Variants in WWOX observed in about 807,000 individuals in gnomAD.
WWOX encodes the protein WW domain containing oxidoreductase.
Under a neutral mutation model 46.2 loss-of-function variants are expected in WWOX, and 69 were observed. The observed-to-expected ratio is 1.49, with a 90% CI of 1.23 to 1.82. The LOEUF is 1.82. Among genes scored for constraint, WWOX ranks in the 40% most tolerant of loss-of-function variants. The pLI, the probability that WWOX is intolerant of heterozygous loss-of-function variation, is 0.00. For synonymous variants in WWOX, 359 were observed against 202.6 expected, an observed-to-expected ratio of 1.77 and a Z score of -6.56; for missense variants, 919 against 542.6, an observed-to-expected ratio of 1.69 and a Z score of -6.89.
At chr16:79,155,307 A>C (rs28694895) in intron 8 of WWOX, among the ~76,000 whole-genome samples, 12,516 of 152,012 alleles carry the variant, frequency 0.082, 1,469 homozygotes, top group African/African-American at 0.26. Flanking sequence ...ACCAGGGAGG[A>C]AGAGGTTGCA....
intron 8 of WWOX, among the ~76,000 whole-genome samples, chr16:78,610,276 G>C (rs1220098172): frequency 6.6e-6 from 1 of 152,126 alleles, no homozygotes; most frequent in African/African-American, 2.4e-5. Context: ...AAGTACACTA[G>C]AAGGTTAGAT....
chr16:79,072,202 C>G (rs555762119), intron 8 of WWOX, among the ~76,000 whole-genome samples: 1 of 152,162 alleles, frequency 6.6e-6, no homozygotes, highest in East Asian at 1.9e-4. Flanking sequence ...GGGAGGATTG[C>G]TTGAGCCTAG....
At chr16:78,635,629 A>G (rs2046548743) in intron 8 of WWOX, among the ~76,000 whole-genome samples, 1 of 152,184 alleles carries the variant, frequency 6.6e-6, no homozygotes, top group Non-Finnish European at 1.5e-5. Flanking sequence ...TGTTGAGAGG[A>G]TGAAGTGCTA....
chr16:78,311,605 A>G (rs763744708), intron 5 of WWOX, among the ~76,000 whole-genome samples: 1 of 152,230 alleles, frequency 6.6e-6, no homozygotes, highest in Non-Finnish European at 1.5e-5. Flanking sequence ...AGAAATGCAG[A>G]TGAGTGGGCC....
intron 8 of WWOX, among the ~76,000 whole-genome samples, chr16:78,708,011 G>C (rs531762379): frequency 2.0e-5 from 3 of 152,220 alleles, no homozygotes; most frequent in African/African-American, 7.2e-5. Flanking sequence ...GAAATCCCAT[G>C]GCTAGGATTG....
intron 5 of WWOX, chr16:78,278,767 A>G: frequency 9.8e-7 from 1 of 1,023,250 alleles, no homozygotes. Flanking sequence ...GATCTGACAG[A>G]CATGTACGAT....
intron 8 of WWOX, among the ~76,000 whole-genome samples, chr16:78,516,743 G>T (rs2043243916): frequency 6.6e-6 from 1 of 152,116 alleles, no homozygotes; most frequent in African/African-American, 2.4e-5. Context: ...AAACGCGAGG[G>T]TTTCCTAATG....
At chr16:78,510,072 TGTC>T (rs2085323363) in intron 8 of WWOX, among the ~76,000 whole-genome samples, 2 of 150,718 alleles carry the variant, frequency 1.3e-5, no homozygotes, top group African/African-American at 2.4e-5. Context: ...CAAGTCTGTC[TGTC>T]TGTCTGTCTG....
chr16:78,953,234 A>T (rs9935435), intron 8 of WWOX, among the ~76,000 whole-genome samples: 150,258 of 151,922 alleles, frequency 0.99, 74,333 homozygotes, highest in East Asian at 1. Context: ...TGAGCCAAAG[A>T]TTCTCCTTGG....
chr16:79,149,856 T>A (rs745788971), intron 8 of WWOX, among the ~76,000 whole-genome samples: 8 of 152,182 alleles, frequency 5.3e-5, no homozygotes, highest in Middle Eastern at 6.8e-3. Context: ...GCAGTATGGG[T>A]TTGGTGGATC....
chr16:78,413,446 T>C (rs1762852127), intron 6 of WWOX, among the ~76,000 whole-genome samples: 1 of 152,124 alleles, frequency 6.6e-6, no homozygotes, highest in South Asian at 2.1e-4. Flanking sequence ...GAGCAATGTT[T>C]TTGGGGCAGC....
At chr16:79,076,949 C>G (rs1369617629) in intron 8 of WWOX, among the ~76,000 whole-genome samples, 1 of 152,106 alleles carries the variant, frequency 6.6e-6, no homozygotes, top group African/African-American at 2.4e-5. Flanking sequence ...TATTATTATT[C>G]TTATTTTGCA....
intron 8 of WWOX, among the ~76,000 whole-genome samples, chr16:79,084,881 G>T (rs1304860659): frequency 6.6e-6 from 1 of 152,142 alleles, no homozygotes; most frequent in African/African-American, 2.4e-5. Context: ...ATATTTTACA[G>T]ACACGGTCAC....
intron 8 of WWOX, among the ~76,000 whole-genome samples, chr16:78,529,587 C>G (rs1468352395): frequency 6.6e-6 from 1 of 152,146 alleles, no homozygotes; most frequent in Non-Finnish European, 1.5e-5. Flanking sequence ...CTGCCTCAGC[C>G]TCCTGAGTAG....
intron 8 of WWOX, among the ~76,000 whole-genome samples, chr16:79,072,006 G>T (rs1361202068): frequency 6.6e-6 from 1 of 152,150 alleles, no homozygotes; most frequent in Non-Finnish European, 1.5e-5. Flanking sequence ...TTATACGCCG[G>T]CCATGGTGGC....
At chr16:78,468,721 G>T (rs984877468) in intron 8 of WWOX, among the ~76,000 whole-genome samples, 5 of 152,304 alleles carry the variant, frequency 3.3e-5, no homozygotes, top group African/African-American at 1.2e-4. Context: ...CTGCAAAGGA[G>T]GGATGATGGT....
chr16:78,164,604 A>G (rs560006203), intron 5 of WWOX, among the ~76,000 whole-genome samples: 1 of 152,324 alleles, frequency 6.6e-6, no homozygotes, highest in African/African-American at 2.4e-5. Flanking sequence ...GGAGACTGTT[A>G]TGCTTATGGT....
intron 8 of WWOX, among the ~76,000 whole-genome samples, chr16:78,758,006 C>A (rs149732329): frequency 6.6e-6 from 1 of 152,068 alleles, no homozygotes; most frequent in Non-Finnish European, 1.5e-5. Context: ...CCAGGATGCT[C>A]TTTTTCAAAC....
chr16:79,007,688 A>T (rs2151373072), intron 8 of WWOX, among the ~76,000 whole-genome samples: 1 of 152,366 alleles, frequency 6.6e-6, no homozygotes, highest in South Asian at 2.1e-4. Context: ...ATGAAGAAGT[A>T]GATTTCATCA....
Sources: gnomAD v4.1 joint callset for allele counts (sites outside exome capture counted in the v4.1 genomes callset) on GRCh38, gnomAD v4.1.1 for gene constraint, MANE v1.5 for transcripts, NCBI Gene and HGNC (gene_info 2026-07-23, HGNC 2026-07-21) for gene names.